The following SSR1 variants were observed in gnomAD, a reference collection of about 807,000 sequenced individuals.
SSR1 encodes translocon-associated protein subunit alpha.
A neutral mutation model predicts 36.1 loss-of-function variants in SSR1; 13 were observed. That is an observed-to-expected ratio of 0.36 (90% CI 0.23 to 0.57). The LOEUF is 0.57. SSR1 is among the 20% of genes least tolerant of loss of function. The probability of loss-of-function intolerance (pLI) is 0.81; values close to 1 mark genes in which losing one functional copy is unlikely to be tolerated. For missense variants in SSR1, 291 were observed against 338.5 expected (o/e 0.86, Z 1.10); for synonymous variants, 113 against 118.9 (o/e 0.95, Z 0.32).
chr6:7,310,737 C>T (rs1758175104), intron 1 of SSR1, among the ~76,000 whole-genome samples: 1 of 151,980 alleles, frequency 6.6e-6, no homozygotes, highest in South Asian at 2.1e-4. Flanking sequence ...ACAGAGAAAC[C>T]CCGCCTCTAC....
chr6:7,312,453 T>C (rs1207945587), intron 1 of SSR1, among the ~76,000 whole-genome samples: 2 of 152,174 alleles, frequency 1.3e-5, no homozygotes, highest in Non-Finnish European at 2.9e-5. Flanking sequence ...GTAGTTTTTC[T>C]GAAATCAAGC....
In SSR1 at chr6:7,301,271, T is replaced by C. The variant is rs771737638; in HGVS notation, c.543+39A>G. On this transcript the variant is annotated intron_variant, in intron 4 of 7. Transcript: ENST00000244763. ...TAAACAACGTCACCGCCCCCATCCA[T>C]CTCTAACTTAAACAAAAAGAAGGTT... The C allele has an allele frequency of 4.4e-6, 7 of 1,601,372 alleles. No homozygotes were observed. The Admixed American group carries it at 1.2e-4, about 28-fold the overall frequency.
Position 7,283,991 on chromosome 6 carries a change from G to A in SSR1, c.*5873C>T, listed in dbSNP as rs1757489990. On this transcript the variant is annotated 3_prime_UTR_variant, in exon 8 of 8. Transcript: ENST00000244763. ...ATGAGGATGTGTGTGGAAGGGCAGA[G>A]CAGATGCTTGATGTTCTCCATCTGA... 1 of 152,232 alleles carries A rather than the reference G, an allele frequency of 6.6e-6. No homozygotes were observed. The highest frequency in any genetic ancestry group is 2.4e-5 in the African/African-American group (1 of 41,450). The allele number at this position is 152,232 out of a possible 1,614,324, so 9.4% of individuals were successfully genotyped here.
chr6:7,297,501 A>G (rs1042070553), intron 6 of SSR1, among the ~76,000 whole-genome samples: 31 of 151,778 alleles, frequency 2.0e-4, no homozygotes, highest in Non-Finnish European at 4.0e-4. Flanking sequence ...CAAGGTGGGC[A>G]GATTGCTCGA....
intron 7 of SSR1, chr6:7,295,095 A>C (rs1379295074): frequency 1.3e-6 from 2 of 1,523,968 alleles, no homozygotes; most frequent in Non-Finnish European, 8.7e-7. Context: ...CACCTCTTCT[A>C]CTCTGCACTG....
intron 7 of SSR1, among the ~76,000 whole-genome samples, chr6:7,292,407 T>C (rs1757703428): frequency 6.6e-6 from 1 of 152,234 alleles, no homozygotes; most frequent in African/African-American, 2.4e-5. Context: ...TGAAACATCC[T>C]TCTACTCCCT....
At chr6:7,301,245 T>C in intron 4 of SSR1, 65 bp downstream of exon 4, 1 of 1,553,556 alleles carries the variant, frequency 6.4e-7, no homozygotes, top group Non-Finnish European at 8.7e-7. Context: ...ATATATTCTA[T>C]TAAACAACGT....
intron 1 of SSR1, among the ~76,000 whole-genome samples, chr6:7,312,245 G>A (rs996346474): frequency 6.6e-6 from 1 of 152,192 alleles, no homozygotes; most frequent in African/African-American, 2.4e-5. Flanking sequence ...TAATTGCTGG[G>A]TTAATTGTTG....
chr6:7,292,612 C>A (rs1267251210), intron 7 of SSR1, among the ~76,000 whole-genome samples: 2 of 152,066 alleles, frequency 1.3e-5, no homozygotes, highest in African/African-American at 4.8e-5. Context: ...ATTCGAACTT[C>A]TGGGCTCAAG....
At chr6:7,290,013 A>G in intron 7 of SSR1, 82 bp from the exon 8 acceptor site, 1 of 1,179,338 alleles carries the variant, frequency 8.5e-7, no homozygotes, top group Non-Finnish European at 1.2e-6. Flanking sequence ...ATTTACCTTC[A>G]ACTTTACCAC....
Position 7,281,310 on chromosome 6 carries a change from C to T in SSR1, c.*8554G>A, listed in dbSNP as rs1323535813. ...CACTTACAAACTGATACCCAAATAA[C>T]AGAAATGTTTCTCAAAGCTGCACAA... On this transcript the variant is annotated 3_prime_UTR_variant, in exon 8 of 8. Coordinates refer to ENST00000244763, the MANE Select transcript of SSR1 (RefSeq NM_003144.5). 6.6e-6 allele frequency: 1 copy of T among 151,344 alleles called. No homozygotes were observed. Among genetic ancestry groups the T allele is most frequent in the African/African-American group, 2.4e-5 (1 of 41,434 alleles). The allele number at this position is 151,344 out of a possible 1,614,324, so 9.4% of individuals were successfully genotyped here.
At chr6:7,296,153 T>C (rs762981400) in intron 6 of SSR1, among the ~76,000 whole-genome samples, 9 of 152,180 alleles carry the variant, frequency 5.9e-5, no homozygotes, top group Non-Finnish European at 1.2e-4. Flanking sequence ...CCCTAGAGTA[T>C]TTACAGCAAA....
At position 7,289,606 on chromosome 6, in the gene SSR1, G is replaced by T; in HGVS notation, c.*258C>A. On this transcript the variant is annotated 3_prime_UTR_variant, in exon 8 of 8. Coordinates refer to ENST00000244763, the MANE Select transcript of SSR1 (RefSeq NM_003144.5). ...TTCAGGTAGTTCAACAATGATTCTG[G>T]TAAGACCAACTGCTCACATACATAC... is the stretch of plus-strand genomic sequence containing the variant. The T allele has an allele frequency of 2.2e-6, 1 of 463,462 alleles. No homozygotes were observed. Among genetic ancestry groups the T allele is most frequent in the Middle Eastern group, 5.4e-4 (1 of 1,852 alleles). 28.7% of individuals were successfully genotyped at this position (463,462 alleles called of 1,614,324 possible). A position where few individuals can be genotyped will look rare whatever the true frequency, so the allele number is the denominator to read the frequency against.
At chr6:7,295,348 A>G in intron 7 of SSR1, 44 bp downstream of exon 7, 2 of 1,465,268 alleles carry the variant, frequency 1.4e-6, no homozygotes, top group South Asian at 1.2e-5. Context: ...TTTAATTTCC[A>G]CTTAAGAGAA....
chr6:7,304,171 T>C (rs1191302086), intron 2 of SSR1, among the ~76,000 whole-genome samples: 1 of 152,220 alleles, frequency 6.6e-6, no homozygotes, highest in East Asian at 1.9e-4. Context: ...TATCATTCTC[T>C]TTCTAACAAG....
chr6:7,286,280 A>G lies in SSR1; in HGVS notation c.*3584T>C, dbSNP rs1366442630. 2 of 152,230 alleles carry G rather than the reference A, an allele frequency of 1.3e-5. No individual in the cohort carries two copies. Among genetic ancestry groups the G allele is most frequent in the East Asian group, 3.8e-4 (2 of 5,198 alleles). The allele number at this position is 152,230 out of a possible 1,614,324, so 9.4% of individuals were successfully genotyped here. A position where few individuals can be genotyped will look rare whatever the true frequency, so the allele number is the denominator to read the frequency against. ...AAAAAACCTTAGAACCTCAGATGAT[A>G]TAATTAACATAAAAGCCCAGGTTTT... On this transcript the variant is annotated 3_prime_UTR_variant, in exon 8 of 8. Coordinates refer to ENST00000244763, the MANE Select transcript of SSR1 (RefSeq NM_003144.5).
In SSR1 at chr6:7,285,927, T is replaced by C. The variant is rs978319692; in HGVS notation, c.*3937A>G. ...TCATTAACAGAAATTTAAAAGGGTA[T>C]TGTGGGTAACTGAATTATCATAGAT... On this transcript the variant is annotated 3_prime_UTR_variant, in exon 8 of 8. Transcript: ENST00000244763. This position sits in a 1 kb window ranked among gnomAD's most constrained non-coding sequence, Gnocchi z 4.1. 3.9e-5 allele frequency: 6 copies of C among 152,322 alleles called. No individual in the cohort carries two copies. Among genetic ancestry groups the C allele is most frequent in the African/African-American group, 1.2e-4 (5 of 41,572 alleles). The allele number at this position is 152,322 out of a possible 1,614,324, so 9.4% of individuals were successfully genotyped here. A position where few individuals can be genotyped will look rare whatever the true frequency, so the allele number is the denominator to read the frequency against.
chr6:7,291,305 G>A (rs924900412), intron 7 of SSR1, among the ~76,000 whole-genome samples: 6 of 152,098 alleles, frequency 3.9e-5, no homozygotes, highest in Admixed American at 3.9e-4. Flanking sequence ...GGCTGAGGCA[G>A]GAGAATCACT....
intron 7 of SSR1, among the ~76,000 whole-genome samples, chr6:7,290,387 A>G (rs1405446302): frequency 2.1e-5 from 3 of 141,674 alleles, no homozygotes; most frequent in African/African-American, 8.1e-5. Flanking sequence ...AAACAATTCT[A>G]TGCACACAAG....
Sources: gnomAD v4.1 joint callset for allele counts (sites outside exome capture counted in the v4.1 genomes callset) on GRCh38, gnomAD v4.1.1 for gene constraint, Gnocchi (gnomAD v3.1) non-coding constraint, MANE v1.5 for transcripts, NCBI Gene and HGNC (gene_info 2026-07-23, HGNC 2026-07-21) for gene names.